Variants in RPAP1 observed in about 807,000 individuals in gnomAD.
RPAP1 encodes the protein RNA polymerase II-associated protein 1.
Under a neutral mutation model 142.4 loss-of-function variants are expected in RPAP1, and 109 were observed. The ratio of observed to expected loss-of-function variants is 0.77; its 90% confidence interval spans 0.66 to 0.90. The LOEUF (loss-of-function observed/expected upper bound fraction) is 0.90. Among genes scored for constraint, RPAP1 ranks in the 40% least tolerant of loss-of-function variants. The pLI is 0.00. For synonymous variants in RPAP1, 704 were observed against 738.9 expected (o/e 0.95, Z 0.77); for missense variants, 1,546 against 1,751.7 (o/e 0.88, Z 2.10).
At chr15:41,535,448 A>AG in intron 5 of RPAP1, 64 bp downstream of exon 5, 2 of 1,528,854 alleles carry the variant, frequency 1.3e-6, no homozygotes, top group South Asian at 2.6e-5. Flanking sequence ...CATATCTTCA[A>AG]AAATGACCCT....
At chr15:41,522,691 ACCCT>A in intron 19 of RPAP1, 70 bp downstream of exon 19, 1 of 355,624 alleles carries the variant, frequency 2.8e-6, no homozygotes, top group Non-Finnish European at 5.3e-6. Context: ...CGCCCATCCC[ACCCT>A]CCCACTTTCT....
In RPAP1 at chr15:41,527,845, C is replaced by T. The variant is rs1432130841; in HGVS notation, c.1428+15G>A. ...GCACCTCCCAGCCCAAGCCCCATTC[C>T]TATCCCTGTGGTACCTCATCTCCAG... On this transcript the variant is annotated intron_variant, in intron 11 of 24. Transcript: ENST00000304330. The T allele has an allele frequency of 1.2e-6, 2 of 1,613,840 alleles. No homozygotes were observed. The highest frequency in any genetic ancestry group is 1.7e-6 in the Non-Finnish European group (2 of 1,179,940).
rs758904972 is a variant in RPAP1, at chr15:41,520,660, G to C, written c.3526C>G (p.Gln1176Glu). The C allele has an allele frequency of 6.2e-7, 1 of 1,614,086 alleles. No individual in the cohort carries two copies. The highest frequency in any genetic ancestry group is 8.5e-7 in the Non-Finnish European group (1 of 1,180,048). Residue 1176 changes from glutamine (Q) to glutamate (E), a missense_variant, in exon 22 of 25, where the codon CAG becomes GAG. Physicochemically the swap from Gln to Glu is conservative, Grantham distance 29 (BLOSUM62 2). Coordinates refer to ENST00000304330, the MANE Select transcript of RPAP1 (RefSeq NM_015540.4). ...DSELFRESPV[Q>E]HLVAALLAQL... ...GCGAGGAGGGCTGCCACCAGATGCT[G>C]TACTGGGGACTCCCGGAACAGCTCA... is the stretch of plus-strand genomic sequence containing the variant.
At chr15:41,540,231 T>C (rs752628389) in intron 1 of RPAP1, among the ~76,000 whole-genome samples, 9 of 152,170 alleles carry the variant, frequency 5.9e-5, no homozygotes, top group Non-Finnish European at 1.0e-4. Flanking sequence ...ATGCACCACA[T>C]ACTGTTCTCT....
At chr15:41,521,639 GAGAATTTAGGTCTC>G in intron 21 of RPAP1, 85 bp downstream of exon 21, 2 of 1,365,372 alleles carry the variant, frequency 1.5e-6, no homozygotes, top group Non-Finnish European at 2.0e-6. Context: ...GTGGAAGAAA[GAGAATTTAGGTCTC>G]CTGGCTCCAA....
chr15:41,527,312 G>C lies in RPAP1; in HGVS notation c.1612-11C>G, dbSNP rs2051803050. On this transcript the variant is annotated splice_polypyrimidine_tract_variant and intron_variant, in intron 12 of 24. Transcript: ENST00000304330. Reference sequence around the variant, plus strand: ...GGTAGCCAGGAGCCCCTGGGAGTTGGAGAGAGAAACCCACTGACAAATGCA... The same window carrying C: ...GGTAGCCAGGAGCCCCTGGGAGTTGCAGAGAGAAACCCACTGACAAATGCA... 6.2e-7 allele frequency: 1 copy of C among 1,614,066 alleles called. No homozygotes were observed.
chr15:41,539,317 G>T (rs1309582595), intron 1 of RPAP1, among the ~76,000 whole-genome samples: 1 of 150,866 alleles, frequency 6.6e-6, no homozygotes, highest in Non-Finnish European at 1.5e-5. Context: ...TTTTTGAGAC[G>T]GAGTTTTGCT....
chr15:41,529,672 C>T, intron 8 of RPAP1, 104 bp from the exon 9 acceptor site: 1 of 929,812 alleles, frequency 1.1e-6, no homozygotes, highest in Non-Finnish European at 1.7e-6. Flanking sequence ...GGTACTGACT[C>T]TACTTCTACC....
chr15:41,519,114 A>G (rs2051699213), intron 22 of RPAP1, among the ~76,000 whole-genome samples: 1 of 151,874 alleles, frequency 6.6e-6, no homozygotes, highest in South Asian at 2.1e-4. Context: ...CTGGTCAGAA[A>G]CTCTTGGCCT....
chr15:41,534,791 T>G lies in RPAP1; in HGVS notation c.686A>C (p.Glu229Ala). Residue 229 changes from glutamate to alanine, a missense_variant, in exon 6 of 25, where the codon GAA (glutamate) becomes GCA (alanine). Around this residue, in one of 3 missense-constraint regions of RPAP1, gnomAD observed 1,333 missense variants for 1,486.6 expected, o/e 0.90. Coordinates refer to ENST00000304330, the MANE Select transcript of RPAP1 (RefSeq NM_015540.4). ...EAEQEAQTIH[E>A]ENIARLQAMA... ...GGCCTGCAGTCTTGCTATGTTCTCT[T>G]CATGGATAGTCTGGGCTTCCTGCTC... is the stretch of plus-strand genomic sequence containing the variant. 1 of 1,614,074 alleles carries G rather than the reference T, an allele frequency of 6.2e-7. No individual in the cohort carries two copies. The highest frequency in any genetic ancestry group is 2.2e-5 in the East Asian group (1 of 44,868).
chr15:41,530,390 C>G (rs914894362), intron 7 of RPAP1, among the ~76,000 whole-genome samples: 1 of 152,170 alleles, frequency 6.6e-6, no homozygotes, highest in African/African-American at 2.4e-5. Context: ...TATACTGCTC[C>G]TGGGGGGCAG....
intron 22 of RPAP1, 146 bp downstream of exon 22, chr15:41,520,245 C>T: frequency 1.1e-6 from 1 of 894,432 alleles, no homozygotes; most frequent in Non-Finnish European, 1.7e-6. Context: ...ATGTTAAGCC[C>T]TTTTCATTGA....
intron 11 of RPAP1, 86 bp downstream of exon 11, chr15:41,527,774 A>C: frequency 6.5e-7 from 1 of 1,547,330 alleles, no homozygotes; most frequent in Non-Finnish European, 8.7e-7. Flanking sequence ...TTGCCCGCAA[A>C]GCCTTAGCAA....
intron 22 of RPAP1, among the ~76,000 whole-genome samples, chr15:41,518,937 T>C (rs1307333673): frequency 6.6e-6 from 1 of 152,222 alleles, no homozygotes; most frequent in African/African-American, 2.4e-5. Flanking sequence ...TTTCCAAGTC[T>C]GGAATGCAGT....
chr15:41,525,016 A>G lies in RPAP1; in HGVS notation c.2050T>C (p.Tyr684His). ...CTGTAAAGGTAACCGCCCTGGCCAT[A>G]GGAGGCAGCCACAGCCCACAGACGG... ...ALRLWAVAAS[Y>H]GQGGYLYREL... Residue 684 changes from tyrosine to histidine, a missense_variant, in exon 15 of 25, where the codon TAT becomes CAT. Physicochemically the swap from Tyr to His is moderately conservative, Grantham distance 83. Around this residue, in one of 3 missense-constraint regions of RPAP1, gnomAD observed 1,333 missense variants for 1,486.6 expected, o/e 0.90. Coordinates refer to ENST00000304330, the MANE Select transcript of RPAP1 (RefSeq NM_015540.4). 1 of 1,613,860 alleles carries G rather than the reference A, an allele frequency of 6.2e-7. No homozygotes were observed. The highest frequency in any genetic ancestry group is 8.5e-7 in the Non-Finnish European group (1 of 1,179,886).
intron 6 of RPAP1, among the ~76,000 whole-genome samples, chr15:41,533,860 C>T (rs1205417242): frequency 1.4e-5 from 2 of 146,368 alleles, no homozygotes; most frequent in East Asian, 2.1e-4. Context: ...AAAACCTAGG[C>T]GCAGTGGCTC....
Position 41,521,133 on chromosome 15 carries a change from C to A in RPAP1, c.3053G>T (p.Gly1018Val). The A allele has an allele frequency of 6.6e-7, 1 of 1,511,242 alleles. No individual in the cohort carries two copies. The highest frequency in any genetic ancestry group is 2.3e-5 in the Admixed American group (1 of 43,490). 93.6% of individuals were successfully genotyped at this position (1,511,242 alleles called of 1,614,324 possible). ...RLEFLPERTS[G>V]GPEAADFSDQ... ...AGAGAAGTCGGCTGCCTCTGGACCCCCTGATGTTCTTTCCCTGTAATGGGA... is the reference window on the plus strand; with the variant it reads ...AGAGAAGTCGGCTGCCTCTGGACCCACTGATGTTCTTTCCCTGTAATGGGA... Residue 1018 changes from glycine (G) to valine (V), a missense_variant, in exon 22 of 25, where the codon GGG becomes GTG. Coordinates refer to ENST00000304330, the MANE Select transcript of RPAP1 (RefSeq NM_015540.4).
rs2051675487 is a variant in RPAP1 at position 41,517,391 on chromosome 15, C to A, written c.*151G>T. The A allele has an allele frequency of 4.4e-6, 3 of 684,204 alleles. No individual in the cohort carries two copies. Among genetic ancestry groups the A allele is most frequent in the Admixed American group, 5.6e-5 (2 of 35,828 alleles). The allele number at this position is 684,204 out of a possible 1,614,324, so 42.4% of individuals were successfully genotyped here. A position where few individuals can be genotyped will look rare whatever the true frequency, so the allele number is the denominator to read the frequency against. Reference sequence around the variant, plus strand: ...AATGGTAGGGCTCACTGCTCTAAAACAGCTCAAACAACCTGCTCCCAGGAA... The same window carrying A: ...AATGGTAGGGCTCACTGCTCTAAAAAAGCTCAAACAACCTGCTCCCAGGAA... On this transcript the variant is annotated 3_prime_UTR_variant, in exon 25 of 25. Transcript: ENST00000304330.
At chr15:41,536,276 C>T in intron 3 of RPAP1, 58 bp from the exon 4 acceptor site, 1 of 1,527,824 alleles carries the variant, frequency 6.5e-7, no homozygotes, top group Non-Finnish European at 9.1e-7. Context: ...CCAGGCTGGA[C>T]CCGATCCTAT....
Sources: allele counts gnomAD v4.1 joint callset (sites outside exome capture counted in the v4.1 genomes callset), GRCh38; gene constraint gnomAD v4.1.1; regional missense constraint gnomAD v4.1.1; transcripts MANE v1.5; gene names NCBI Gene and HGNC (gene_info 2026-07-23, HGNC 2026-07-21).